Variants in DRC11L observed in about 807,000 individuals in gnomAD.
The protein encoded by DRC11L is dynein regulatory complex subunit like-11.
chr7:151,197,650 G>A, the DRC11L span, among the ~76,000 whole-genome samples: 10 of 152,124 alleles, frequency 6.6e-5, no homozygotes, highest in South Asian at 4.2e-4. Context: ...TGCTCCAGCC[G>A]CAGCTGCTCC....
chr7:151,194,691 G>T, the DRC11L span: 12 of 397,642 alleles, frequency 3.0e-5, no homozygotes, highest in Non-Finnish European at 1.3e-5. Context: ...GGGGGCTGTT[G>T]TCATGAAGAC....
At chr7:151,201,136 A>G in the DRC11L span, among the ~76,000 whole-genome samples, 1 of 152,226 alleles carries the variant, frequency 6.6e-6, no homozygotes, top group African/African-American at 2.4e-5. This position sits in a 1 kb window ranked among gnomAD's most constrained non-coding sequence, Gnocchi z 4.1. Flanking sequence ...TGGGCAGAGG[A>G]AGGCAGAGTC....
the DRC11L span, chr7:151,190,946 G>A: frequency 4.3e-5 from 17 of 399,692 alleles, no homozygotes; most frequent in Non-Finnish European, 4.9e-5. Flanking sequence ...CCTGTCCCAC[G>A]CCACTAATCT....
the DRC11L span, among the ~76,000 whole-genome samples, chr7:151,194,009 G>A: frequency 3.2e-4 from 49 of 152,096 alleles, no homozygotes; most frequent in African/African-American, 1.1e-3. Flanking sequence ...ACAGACCCTG[G>A]GTTGTCCCTT....
the DRC11L span, chr7:151,196,368 T>C: frequency 2.5e-6 from 1 of 398,770 alleles, no homozygotes; most frequent in Non-Finnish European, 4.4e-6. Context: ...GGGAGGAGCC[T>C]GAATCTGGCT....
chr7:151,191,646 ACTC>A, the DRC11L span: 1 of 398,002 alleles, frequency 2.5e-6, no homozygotes. Flanking sequence ...ACCTTCAGGG[ACTC>A]CTCCTCCTCC....
the DRC11L span, chr7:151,197,195 G>A: frequency 2.5e-6 from 1 of 399,552 alleles, no homozygotes; most frequent in South Asian, 1.3e-4. Flanking sequence ...GCATCCGAGA[G>A]GTATCTTACC....
At chr7:151,200,908 T>A in the DRC11L span, among the ~76,000 whole-genome samples, 1 of 151,972 alleles carries the variant, frequency 6.6e-6, no homozygotes, top group African/African-American at 2.4e-5. Context: ...AGACTGGACA[T>A]GACCTCTCCC....
the DRC11L span, chr7:151,195,366 C>G: frequency 2.5e-4 from 100 of 398,962 alleles, no homozygotes; most frequent in African/African-American, 1.9e-3. Flanking sequence ...GCAGTCAGGT[C>G]CCTGGACTGG....
chr7:151,194,225 G>C, the DRC11L span: 9 of 398,740 alleles, frequency 2.3e-5, no homozygotes, highest in Non-Finnish European at 3.5e-5. Context: ...CCTGCCCAGA[G>C]CTGGCTCCTC....
chr7:151,202,782 C>T, the DRC11L span: 1 of 397,624 alleles, frequency 2.5e-6, no homozygotes, highest in Non-Finnish European at 4.4e-6. Context: ...ACCCAGGACA[C>T]AGAGGCTGCA....
chr7:151,193,444 G>A, the DRC11L span: 1 of 399,334 alleles, frequency 2.5e-6, no homozygotes. Flanking sequence ...GGCCCACCAG[G>A]AGGATGGAGC....
At chr7:151,195,595 T>G in the DRC11L span, 8,375 of 367,400 alleles carry the variant, frequency 0.023, 591 homozygotes, top group African/African-American at 0.16. Context: ...CTCAGGGGTC[T>G]TTCTTCCTCC....
chr7:151,200,573 G>A, the DRC11L span: 2 of 398,020 alleles, frequency 5.0e-6, no homozygotes, highest in Non-Finnish European at 8.9e-6. Flanking sequence ...GGTGGGGTGG[G>A]GAGGAGCCCT....
chr7:151,192,342 G>C, the DRC11L span: 163 of 399,214 alleles, frequency 4.1e-4, no homozygotes, highest in African/African-American at 2.9e-3. Flanking sequence ...CACAGACCCC[G>C]CATCTCGGCC....
the DRC11L span, among the ~76,000 whole-genome samples, chr7:151,191,486 T>C: frequency 1.3e-5 from 2 of 152,234 alleles, no homozygotes; most frequent in African/African-American, 4.8e-5. Context: ...CCTGGTGATT[T>C]CCTGCTCCCT....
At chr7:151,202,907 T>G in the DRC11L span, 1 of 399,706 alleles carries the variant, frequency 2.5e-6, no homozygotes, top group Admixed American at 4.4e-5. Flanking sequence ...GCACCTAGGG[T>G]TACCTTCTGT....
the DRC11L span, among the ~76,000 whole-genome samples, chr7:151,196,140 G>T: frequency 4.6e-5 from 7 of 152,116 alleles, no homozygotes; most frequent in Admixed American, 2.0e-4. Context: ...ATGGTGGGGG[G>T]GTGTGGACAC....
the DRC11L span, chr7:151,192,638 C>A: frequency 1.0e-5 from 4 of 398,862 alleles, no homozygotes; most frequent in Admixed American, 4.4e-5. Context: ...ATGTGCAAGG[C>A]CCCAGTGGTT....
Sources: allele counts gnomAD v4.1 joint callset (sites outside exome capture counted in the v4.1 genomes callset), GRCh38; gene constraint gnomAD v4.1.1; non-coding constraint Gnocchi (gnomAD v3.1); transcripts MANE v1.5; gene names NCBI Gene and HGNC (gene_info 2026-07-23, HGNC 2026-07-21).